SH3KBP1: variants seen among roughly 807,000 people sequenced by gnomAD.
SH3KBP1 encodes the protein SH3 domain containing kinase binding protein 1.
A neutral mutation model predicts 50.1 loss-of-function variants in SH3KBP1; 8 were observed. That is an observed-to-expected ratio of 0.16 (90% CI 0.09 to 0.29). The LOEUF is 0.29. SH3KBP1 is among the 10% of genes least tolerant of loss of function. The probability of loss-of-function intolerance (pLI) is 1.00; values close to 1 mark genes in which losing one functional copy is unlikely to be tolerated. For synonymous variants in SH3KBP1, 227 were observed against 218.6 expected (o/e 1.04, Z -0.34); for missense variants, 377 against 535.2 (o/e 0.70, Z 2.92).
chrX:19,761,634 G>C (rs1283196846), intron 2 of SH3KBP1, among the ~76,000 whole-genome samples: 1 of 111,287 alleles, frequency 9.0e-6, no homozygotes, highest in Non-Finnish European at 1.9e-5. Context: ...GAGCAGCAAT[G>C]AATATTATTC....
rs765386561 is a variant in SH3KBP1 at position 19,852,982 on chromosome X, G to A, written c.5-16700C>T. Among the ~76,000 whole-genome samples the A allele has an allele frequency of 2.7e-5, 3 of 112,560 alleles. No individual in the cohort carries two copies. In the South Asian group the frequency reaches 1.1e-3, roughly 41 times the overall value. ...AAGCCATGAAGATGAGAGTACACAA[G>A]CGAGTTGACGCCTTCTCTTAAACAG... On this transcript the variant is annotated intron_variant, in intron 1 of 17. Coordinates refer to ENST00000397821, the MANE Select transcript of SH3KBP1 (RefSeq NM_031892.3).
intron 1 of SH3KBP1, among the ~76,000 whole-genome samples, chrX:19,874,068 A>AAAAAAAAAAAAAAAAAAAAT (rs1491537486): frequency 3.5e-5 from 2 of 57,035 alleles, no homozygotes; most frequent in African/African-American, 3.2e-4. Context: ...AAAAAAAAAA[A>AAAAAAAAAAAAAAAAAAAAT]ATATATATAT....
intron 9 of SH3KBP1, 40 bp downstream of exon 9, chrX:19,607,898 G>A: frequency 1.8e-6 from 2 of 1,109,920 alleles, no homozygotes; most frequent in Non-Finnish European, 2.5e-6. Flanking sequence ...CCCAACATGG[G>A]AGCCACAACT....
chrX:19,813,688 A>G (rs1368993051), intron 2 of SH3KBP1, among the ~76,000 whole-genome samples: 1 of 110,708 alleles, frequency 9.0e-6, no homozygotes, highest in African/African-American at 3.3e-5. Flanking sequence ...ACAGACTGGC[A>G]TCACCACCTG....
At chrX:19,732,035 T>C (rs757704462) in intron 3 of SH3KBP1, among the ~76,000 whole-genome samples, 1 of 112,071 alleles carries the variant, frequency 8.9e-6, no homozygotes, top group East Asian at 2.8e-4. Flanking sequence ...ACAGTTGTTT[T>C]CATAATATGA....
At chrX:19,682,567 A>G (rs2063080676) in intron 6 of SH3KBP1, among the ~76,000 whole-genome samples, 1 of 111,324 alleles carries the variant, frequency 9.0e-6, no homozygotes. Context: ...TCTGAATGTG[A>G]CCATATGCAA....
At chrX:19,700,777 C>A (rs1283687295) in intron 4 of SH3KBP1, among the ~76,000 whole-genome samples, 1 of 112,074 alleles carries the variant, frequency 8.9e-6, no homozygotes, top group East Asian at 2.8e-4. Flanking sequence ...TATAAACAAG[C>A]ATTATCTAGG....
intron 2 of SH3KBP1, among the ~76,000 whole-genome samples, chrX:19,829,706 A>G (rs2067806536): frequency 1.0e-5 from 1 of 99,211 alleles, no homozygotes; most frequent in South Asian, 4.7e-4. Context: ...AGATCTCCCC[A>G]CTGCACTCCG....
chrX:19,694,799 C>T (rs113301899), intron 5 of SH3KBP1, among the ~76,000 whole-genome samples: 1,644 of 111,885 alleles, frequency 0.015, 12 homozygotes, highest in South Asian at 0.036. Context: ...AAAAGGAAGA[C>T]ATTTAAGAAT....
chrX:19,564,553 C>T (rs2065780867), intron 13 of SH3KBP1, among the ~76,000 whole-genome samples: 2 of 110,359 alleles, frequency 1.8e-5, no homozygotes, highest in Admixed American at 9.7e-5. Context: ...TCTCTTCTCT[C>T]GCCTCTCTCT....
intron 6 of SH3KBP1, among the ~76,000 whole-genome samples, chrX:19,668,535 T>C (rs1406921965): frequency 9.3e-6 from 1 of 107,417 alleles, no homozygotes; most frequent in Non-Finnish European, 1.9e-5. Flanking sequence ...GTGTACTGCA[T>C]GCATATTCAG....
intron 2 of SH3KBP1, among the ~76,000 whole-genome samples, chrX:19,762,493 A>G (rs924502210): frequency 1.8e-5 from 2 of 110,452 alleles, no homozygotes; most frequent in Non-Finnish European, 3.8e-5. Flanking sequence ...GATCCCACCC[A>G]GGAACATAAG....
intron 13 of SH3KBP1, among the ~76,000 whole-genome samples, chrX:19,555,655 TCTC>T (rs1324138362): frequency 2.7e-5 from 3 of 112,128 alleles, no homozygotes; most frequent in East Asian, 5.6e-4. Context: ...AGCCATCTCT[TCTC>T]CTCCACACCC....
At chrX:19,665,232 A>G (rs1292203544) in intron 6 of SH3KBP1, among the ~76,000 whole-genome samples, 1 of 112,327 alleles carries the variant, frequency 8.9e-6, no homozygotes, top group Non-Finnish European at 1.9e-5. Flanking sequence ...AAAGAAAATG[A>G]GGCAGTAAAT....
chrX:19,576,417 C>T (rs2066200891), intron 12 of SH3KBP1, among the ~76,000 whole-genome samples: 1 of 110,947 alleles, frequency 9.0e-6, no homozygotes, highest in African/African-American at 3.3e-5. Context: ...TACCATGTGC[C>T]AGGCACTAGA....
chrX:19,659,958 G>T (rs2062408525), intron 6 of SH3KBP1, among the ~76,000 whole-genome samples: 1 of 112,761 alleles, frequency 8.9e-6, no homozygotes, highest in South Asian at 3.6e-4. Flanking sequence ...GCCTTGCACA[G>T]GAGATGCTAA....
intron 2 of SH3KBP1, among the ~76,000 whole-genome samples, chrX:19,810,888 TA>T (rs2067185893): frequency 8.9e-6 from 1 of 112,155 alleles, no homozygotes; most frequent in Non-Finnish European, 1.9e-5. Flanking sequence ...TGTGACATTT[TA>T]AGCCAAATAA....
chrX:19,735,415 T>A, intron 3 of SH3KBP1, among the ~76,000 whole-genome samples: 1 of 110,326 alleles, frequency 9.1e-6, no homozygotes, highest in Non-Finnish European at 1.9e-5. Flanking sequence ...TAATTTGAGA[T>A]CTGTCTTCTT....
At chrX:19,538,081 G>A (rs990477501) in intron 16 of SH3KBP1, among the ~76,000 whole-genome samples, 3 of 111,544 alleles carry the variant, frequency 2.7e-5, no homozygotes, top group African/African-American at 6.5e-5. Context: ...GAGGCCCAGC[G>A]TGGTGGCCTG....
Sources: allele counts gnomAD v4.1 joint callset (sites outside exome capture counted in the v4.1 genomes callset), GRCh38; gene constraint gnomAD v4.1.1; transcripts MANE v1.5; gene names NCBI Gene and HGNC (gene_info 2026-07-23, HGNC 2026-07-21).